Variants in WHAMM observed in about 807,000 individuals in gnomAD.
The protein encoded by WHAMM is WASP homolog-associated protein with actin, membranes and microtubules.
In WHAMM, 67 loss-of-function variants were observed where a neutral mutation model predicts 76.5. The observed-to-expected ratio is 0.88, with a 90% CI of 0.72 to 1.07. The LOEUF (loss-of-function observed/expected upper bound fraction) is 1.07, where lower values mean the gene tolerates loss of function less well. Among genes scored for constraint, WHAMM ranks in the 50% least tolerant of loss-of-function variants. WHAMM has a pLI of 0.00. For synonymous variants in WHAMM, 419 were observed against 422.1 expected, an observed-to-expected ratio of 0.99 and a Z score of 0.09; for missense variants, 1,021 against 1,051.1, an observed-to-expected ratio of 0.97 and a Z score of 0.40.
intron 1 of WHAMM, chr15:82,810,760 T>C: frequency 1.0e-6 from 1 of 985,428 alleles, no homozygotes; most frequent in Non-Finnish European, 1.2e-6. Context: ...TAAAATGGTT[T>C]AGAGGAAGAA....
chr15:82,828,710 C>T (rs577382772), intron 8 of WHAMM, among the ~76,000 whole-genome samples: 1 of 152,060 alleles, frequency 6.6e-6, no homozygotes, highest in African/African-American at 2.4e-5. Flanking sequence ...CTCCTAAGCT[C>T]CCAGCGAAAC....
In WHAMM at chr15:82,815,155, A is replaced by ATATATATT. The variant is rs55807384; in HGVS notation, c.784-1537_784-1536insTATATATT. On this transcript the variant is annotated intron_variant, in intron 2 of 9. Coordinates refer to ENST00000286760, the MANE Select transcript of WHAMM (RefSeq NM_001080435.3). Reference sequence around the variant, plus strand: ...TATATATATATATATATATATATATAGTACAATTCAGTGATTTTTAGTATA... The same window carrying ATATATATT: ...TATATATATATATATATATATATATATATATATTGTACAATTCAGTGATTTTTAGTATA... Among the ~76,000 whole-genome samples, 7 of 46,136 alleles carry ATATATATT rather than the reference A, an allele frequency of 1.5e-4. 1 individual carries two copies. The highest frequency in any genetic ancestry group is 2.7e-4 in the Admixed American group (1 of 3,658). The allele number at this position is 46,136 out of a possible 152,430, so 30.3% of individuals were successfully genotyped here. A position where few individuals can be genotyped will look rare whatever the true frequency, so the allele number is the denominator to read the frequency against.
chr15:82,820,896 CAAAAAAAAAAAAA>C (rs60974626), intron 5 of WHAMM, among the ~76,000 whole-genome samples: 71,927 of 120,320 alleles, frequency 0.6, 18,028 homozygotes, highest in South Asian at 0.65. Context: ...GACTCTGTCT[CAAAAAAAAAAAAA>C]AAAAAAAAAA....
In WHAMM at chr15:82,834,664, T is replaced by C. The variant is rs2051103074; in HGVS notation, c.*1128T>C. 1 of 152,676 alleles carries C rather than the reference T, an allele frequency of 6.5e-6. No individual in the cohort carries two copies. Among genetic ancestry groups the C allele is most frequent in the Admixed American group, 6.5e-5 (1 of 15,282 alleles). The allele number at this position is 152,676 out of a possible 1,614,324, so 9.5% of individuals were successfully genotyped here. On this transcript the variant is annotated 3_prime_UTR_variant, in exon 10 of 10. Coordinates refer to ENST00000286760, the MANE Select transcript of WHAMM (RefSeq NM_001080435.3). ...ATAAATTGCTTATATTCAGGAGTTA[T>C]TTTAAATATTTAAATGAAATTTATT...
rs763120821 is a variant in WHAMM, at chr15:82,836,081, G to A, written c.*2545G>A. The A allele has an allele frequency of 2.0e-5, 3 of 152,172 alleles. No individual in the cohort carries two copies. The highest frequency in any genetic ancestry group is 3.1e-3 in the Middle Eastern group (1 of 318). The allele number at this position is 152,172 out of a possible 1,614,324, so 9.4% of individuals were successfully genotyped here. On this transcript the variant is annotated 3_prime_UTR_variant, in exon 10 of 10. Transcript: ENST00000286760. The stretch of plus-strand genomic sequence containing the variant: ...AAAAAAGGATCCTTTTCAAAAGAAC[G>A]TTCTCACAATAAAAATTCCTGGCCC...
In WHAMM at chr15:82,826,598, C is replaced by T. The variant is rs182495130; in HGVS notation, c.1545+102C>T. On this transcript the variant is annotated intron_variant, in intron 7 of 9. Coordinates refer to ENST00000286760, the MANE Select transcript of WHAMM (RefSeq NM_001080435.3). ...TGCGCTGCCCTGGACCTGCAGCTGT[C>T]AGCCATTAGCCTCCAGGTCTGCAGC... 3,589 of 1,581,912 alleles carry T rather than the reference C, an allele frequency of 2.3e-3. 6 individuals carry two copies. The highest frequency in any genetic ancestry group is 3.6e-3 in the Middle Eastern group (21 of 5,912).
rs2050695154 is a variant in WHAMM, at chr15:82,814,947, T to A, written c.783+1671T>A. Reference sequence around the variant, plus strand: ...ACCATGCCCGGCTAATTTTTTTGTATTTTTAGTAGAGATGGGGTTTCAACA... The same window carrying A: ...ACCATGCCCGGCTAATTTTTTTGTAATTTTAGTAGAGATGGGGTTTCAACA... On this transcript the variant is annotated intron_variant, in intron 2 of 9. Transcript: ENST00000286760. Among the ~76,000 whole-genome samples the A allele has an allele frequency of 1.3e-5, 2 of 149,094 alleles. 1 individual carries two copies. The highest frequency in any genetic ancestry group is 4.2e-4 in the South Asian group (2 of 4,732).
Position 82,833,686 on chromosome 15 carries a change from ATTTT to A in WHAMM, c.*161_*164del, listed in dbSNP as rs367874690. 3.7e-5 allele frequency: 25 copies of A among 677,108 alleles called. No individual in the cohort carries two copies. The highest frequency in any genetic ancestry group is 5.3e-5 in the Non-Finnish European group (23 of 435,916). 41.9% of individuals were successfully genotyped at this position (677,108 alleles called of 1,614,324 possible). A position where few individuals can be genotyped will look rare whatever the true frequency, so the allele number is the denominator to read the frequency against. ...AGGGCCTTGTGTAGGCTGCTGCAGCATTTTTTTTTTTTTTCTTTTTTGAGATGGA... is the reference window on the plus strand; with the variant it reads ...AGGGCCTTGTGTAGGCTGCTGCAGCATTTTTTTTTTCTTTTTTGAGATGGA... On this transcript the variant is annotated 3_prime_UTR_variant, in exon 10 of 10. Coordinates refer to ENST00000286760, the MANE Select transcript of WHAMM (RefSeq NM_001080435.3).
chr15:82,810,601 G>T (rs2050612050), intron 1 of WHAMM: 1 of 985,326 alleles, frequency 1.0e-6, no homozygotes, highest in Non-Finnish European at 1.2e-6. Flanking sequence ...CCCAACTTTT[G>T]CCCTGAAGAT....
rs1376615270 is a variant in WHAMM, at chr15:82,833,595, G to C, written c.*59G>C. On this transcript the variant is annotated 3_prime_UTR_variant, in exon 10 of 10. Transcript: ENST00000286760. Reference sequence around the variant, plus strand: ...GCTTGAATAAAGTGGGTGAGTCTTAGACCTATCGAAAAGCATACTAACAGG... The same window carrying C: ...GCTTGAATAAAGTGGGTGAGTCTTACACCTATCGAAAAGCATACTAACAGG... The C allele has an allele frequency of 1.4e-5, 21 of 1,553,614 alleles. No individual in the cohort carries two copies. In the Admixed American group the frequency reaches 3.9e-4, roughly 29 times the overall value.
chr15:82,818,417 CG>C (rs1259673304), intron 4 of WHAMM, among the ~76,000 whole-genome samples: 27 of 152,270 alleles, frequency 1.8e-4, no homozygotes, highest in Middle Eastern at 3.4e-3. Flanking sequence ...TTCCAGGCAT[CG>C]TTAAAGAGCT....
chr15:82,814,282 G>A (rs530587232), intron 2 of WHAMM, among the ~76,000 whole-genome samples: 21 of 152,172 alleles, frequency 1.4e-4, no homozygotes, highest in African/African-American at 4.6e-4. Context: ...CCCCTGCACC[G>A]GGCCATCTTT....
chr15:82,825,428 G>A lies in WHAMM; in HGVS notation c.1459-982G>A, dbSNP rs569933977. ...TTGGAGCATTAACCTTCACTCTCAA[G>A]ATATAATCACTCCCCCTACCCCATT... On this transcript the variant is annotated intron_variant, in intron 6 of 9. Coordinates refer to ENST00000286760, the MANE Select transcript of WHAMM (RefSeq NM_001080435.3). Among the ~76,000 whole-genome samples the A allele has an allele frequency of 7.9e-5, 12 of 152,038 alleles. No homozygotes were observed. In the South Asian group the frequency reaches 2.5e-3, roughly 32 times the overall value.
At position 82,833,595 on chromosome 15, in the gene WHAMM, G is replaced by T; in HGVS notation, c.*59G>T. The T allele has an allele frequency of 6.4e-7, 1 of 1,553,730 alleles. No homozygotes were observed. The highest frequency in any genetic ancestry group is 1.2e-5 in the South Asian group (1 of 84,500). On this transcript the variant is annotated 3_prime_UTR_variant, in exon 10 of 10. Coordinates refer to ENST00000286760, the MANE Select transcript of WHAMM (RefSeq NM_001080435.3). ...GCTTGAATAAAGTGGGTGAGTCTTA[G>T]ACCTATCGAAAAGCATACTAACAGG...
chr15:82,810,469 C>G (rs1416110221), intron 1 of WHAMM, 134 bp downstream of exon 1: 1 of 1,223,792 alleles, frequency 8.2e-7, no homozygotes, highest in Admixed American at 4.4e-5. Flanking sequence ...GCCGCGGGCT[C>G]CCCAGTGCCG....
At chr15:82,818,751 T>G (rs1475709739) in intron 4 of WHAMM, among the ~76,000 whole-genome samples, 1 of 152,192 alleles carries the variant, frequency 6.6e-6, no homozygotes, top group African/African-American at 2.4e-5. Flanking sequence ...ATTGGGTGGC[T>G]TAAACAACGG....
chr15:82,818,173 AGTTTTT>A, intron 4 of WHAMM, 84 bp downstream of exon 4: 1 of 1,420,672 alleles, frequency 7.0e-7, no homozygotes, highest in Non-Finnish European at 9.5e-7. Context: ...ATACAAGTGC[AGTTTTT>A]GTTCCATGGA....
rs551953623 is a variant in WHAMM, at chr15:82,809,897, G to A, written c.171G>A (p.Glu57=). The A allele has an allele frequency of 2.5e-5, 38 of 1,550,308 alleles. No individual in the cohort carries two copies. The East Asian group carries it at 9.5e-4, about 39-fold the overall frequency. ...DRTAQQRRLR[E]GARLGPEPEP... is the part of the protein sequence containing the mutation. The stretch of plus-strand genomic sequence containing the variant: ...CCGCGCAGCAGCGGCGGCTGCGCGA[G>A]GGGGCCCGGTTGGGGCCCGAGCCCG... Residue 57 remains glutamate, a synonymous_variant, in exon 1 of 10, where the codon GAG becomes GAA. Coordinates refer to ENST00000286760, the MANE Select transcript of WHAMM (RefSeq NM_001080435.3).
Position 82,823,462 on chromosome 15 carries a change from T to A in WHAMM, c.1458+175T>A, listed in dbSNP as rs1019183485. ...TTTTAAATATTTTTCTTAAAAATATTTTTTTTCTTTTGGGATTTAAGCATT... is the reference window on the plus strand; with the variant it reads ...TTTTAAATATTTTTCTTAAAAATATATTTTTTCTTTTGGGATTTAAGCATT... On this transcript the variant is annotated intron_variant, in intron 6 of 9. Coordinates refer to ENST00000286760, the MANE Select transcript of WHAMM (RefSeq NM_001080435.3). 9.2e-5 allele frequency among the ~76,000 whole-genome samples: 14 copies of A among 152,352 alleles called. 1 individual carries two copies. Among genetic ancestry groups the A allele is most frequent in the Admixed American group, 8.5e-4 (13 of 15,306 alleles).
Sources: allele counts gnomAD v4.1 joint callset (sites outside exome capture counted in the v4.1 genomes callset), GRCh38; gene constraint gnomAD v4.1.1; transcripts MANE v1.5; gene names NCBI Gene and HGNC (gene_info 2026-07-23, HGNC 2026-07-21).